WDR72: variants seen among roughly 807,000 people sequenced by gnomAD.
The protein encoded by WDR72 is WD repeat domain 72, also known as WD repeat-containing protein 72.
WDR72 carries 120 observed loss-of-function variants against 124.2 expected under a neutral mutation model. The observed-to-expected ratio is 0.97, with a 90% CI of 0.83 to 1.12. WDR72 has a LOEUF of 1.12. Among genes scored for constraint, WDR72 ranks in the 50% most tolerant of loss-of-function variants. The probability of loss-of-function intolerance (pLI) is 0.00; values close to 1 mark genes in which losing one functional copy is unlikely to be tolerated. For synonymous variants in WDR72, 452 were observed against 441.7 expected (o/e 1.02, Z -0.29); for missense variants, 1,387 against 1,278.8 (o/e 1.08, Z -1.29).
rs1300676881 is a variant in WDR72, at chr15:53,712,883, T to A, written c.600A>T (p.Gln200His). The A allele has an allele frequency of 6.2e-7, 1 of 1,613,572 alleles. No homozygotes were observed. Among genetic ancestry groups the A allele is most frequent in the East Asian group, 2.2e-5 (1 of 44,812 alleles). ...ACTTGGATTCTTTTTCATAGACATC[T>A]TGCTTTTCCTTCAAAAGGAAAGAAA... ...SSSINSIQEK[Q>H]DVYEKESKFL... Residue 200 changes from glutamine to histidine, a missense_variant, in exon 7 of 20, where the codon CAA becomes CAT. By Grantham distance (24) the Gln-to-His change is conservative (BLOSUM62 0). Coordinates refer to ENST00000360509, the MANE Select transcript of WDR72 (RefSeq NM_182758.4).
intron 19 of WDR72, among the ~76,000 whole-genome samples, chr15:53,521,324 C>G (rs1566939112): frequency 6.6e-6 from 1 of 152,006 alleles, no homozygotes; most frequent in African/African-American, 2.4e-5. Flanking sequence ...TCAATATGAG[C>G]AATTCTTGGA....
chr15:53,584,449 T>C (rs1181886333), intron 18 of WDR72, among the ~76,000 whole-genome samples: 1 of 151,942 alleles, frequency 6.6e-6, no homozygotes, highest in Non-Finnish European at 1.5e-5. Context: ...ATGTAGGACA[T>C]GGAGCACTAA....
At chr15:53,755,386 C>T (rs993679874) in intron 1 of WDR72, among the ~76,000 whole-genome samples, 2 of 152,144 alleles carry the variant, frequency 1.3e-5, no homozygotes, top group East Asian at 3.9e-4. Flanking sequence ...GATGCTATTA[C>T]AAATTATTTT....
At chr15:53,753,759 A>G (rs1227678657) in intron 1 of WDR72, among the ~76,000 whole-genome samples, 1 of 152,104 alleles carries the variant, frequency 6.6e-6, no homozygotes, top group Non-Finnish European at 1.5e-5. Context: ...AGTGTTGTAT[A>G]CTCAATTCAG....
At chr15:53,741,701 A>G (rs1485865862) in intron 1 of WDR72, among the ~76,000 whole-genome samples, 1 of 151,956 alleles carries the variant, frequency 6.6e-6, no homozygotes, top group East Asian at 1.9e-4. Context: ...CTCACTTATA[A>G]GAAAGCTGAT....
At chr15:53,621,430 G>T (rs1056232829) in intron 14 of WDR72, among the ~76,000 whole-genome samples, 10 of 124,374 alleles carry the variant, frequency 8.0e-5, no homozygotes, top group African/African-American at 1.5e-4. Flanking sequence ...AAGAAACTGT[G>T]ATATATATAT....
rs894947299 is a variant in WDR72 at position 53,597,078 on chromosome 15, C to T, written c.3148+1G>A. 1.2e-6 allele frequency: 2 copies of T among 1,613,576 alleles called. No individual in the cohort carries two copies. Among genetic ancestry groups the T allele is most frequent in the Non-Finnish European group, 1.7e-6 (2 of 1,179,720 alleles). On this transcript the variant is annotated splice_donor_variant, in intron 18 of 19. Transcript: ENST00000360509. LOFTEE classifies it high-confidence loss of function. ...AGTATACCAATAAATTTTGTACTTACTTTGCAGAGGCAAAGTGTTTCTAAC... is the reference window on the plus strand; with the variant it reads ...AGTATACCAATAAATTTTGTACTTATTTTGCAGAGGCAAAGTGTTTCTAAC...
rs3081214 is a variant in WDR72 at position 53,575,006 on chromosome 15, A to AACACAC, written c.3148+22067_3148+22072dup. Reference sequence around the variant, plus strand: ...AAAGAGGCTAATGAAAATCAAACACAACACACACACACACACACACACACA... The same window carrying AACACAC: ...AAAGAGGCTAATGAAAATCAAACACAACACACACACACACACACACACACACACACA... On this transcript the variant is annotated intron_variant, in intron 18 of 19. Coordinates refer to ENST00000360509, the MANE Select transcript of WDR72 (RefSeq NM_182758.4). Among the ~76,000 whole-genome samples, 1,125 of 147,286 alleles carry AACACAC rather than the reference A, an allele frequency of 7.6e-3. 11 individuals carry two copies. Among genetic ancestry groups the AACACAC allele is most frequent in the African/African-American group, 0.022 (885 of 39,980 alleles).
intron 14 of WDR72, among the ~76,000 whole-genome samples, chr15:53,640,916 GA>G (rs2014822558): frequency 1.6e-5 from 2 of 128,618 alleles, no homozygotes; most frequent in African/African-American, 5.0e-5. Context: ...ATATTACAAA[GA>G]TTTTTTTCAA....
Position 53,515,039 on chromosome 15 carries a change from GTGTATATA to G in WDR72, c.*2652_*2659del, listed in dbSNP as rs1566934876. ...TATATATATATACACACATATATAT[GTGTATATA>G]TATGTGTGTATATATATACACACAT... On this transcript the variant is annotated 3_prime_UTR_variant, in exon 20 of 20. Transcript: ENST00000360509. 5.6e-5 allele frequency: 8 copies of G among 142,184 alleles called. No individual in the cohort carries two copies. The highest frequency in any genetic ancestry group is 7.6e-5 in the Non-Finnish European group (5 of 65,368). The allele number at this position is 142,184 out of a possible 1,614,324, so 8.8% of individuals were successfully genotyped here.
chr15:53,731,823 C>T (rs2018211025), intron 2 of WDR72, among the ~76,000 whole-genome samples: 2 of 152,220 alleles, frequency 1.3e-5, no homozygotes, highest in East Asian at 1.9e-4. Flanking sequence ...ACACAACTTA[C>T]AGCATGCACT....
intron 18 of WDR72, among the ~76,000 whole-genome samples, chr15:53,529,145 C>CATATATATATATATATATATAT (rs34418320): frequency 2.7e-5 from 3 of 112,548 alleles, no homozygotes; most frequent in African/African-American, 1.2e-4. Flanking sequence ...CTGTTTAGCC[C>CATATATATATATATATATATAT]ATATATATAT....
chr15:53,540,050 T>G (rs1892990116), intron 18 of WDR72, among the ~76,000 whole-genome samples: 2 of 152,190 alleles, frequency 1.3e-5, no homozygotes, highest in African/African-American at 4.8e-5. Context: ...GAGTATTTCG[T>G]AATACTAAAG....
intron 1 of WDR72, among the ~76,000 whole-genome samples, chr15:53,741,126 T>C (rs2675339): frequency 0.32 from 47,943 of 152,092 alleles, 8,709 homozygotes; most frequent in African/African-American, 0.51. Flanking sequence ...TTGCTATAAT[T>C]GCAGGGCCCA....
At chr15:53,602,230 G>A (rs2013076149) in intron 17 of WDR72, among the ~76,000 whole-genome samples, 1 of 152,050 alleles carries the variant, frequency 6.6e-6, no homozygotes, top group Admixed American at 6.6e-5. Context: ...ACCTACTCCT[G>A]AATGACTTTT....
intron 13 of WDR72, among the ~76,000 whole-genome samples, chr15:53,675,786 G>C (rs2016152869): frequency 6.6e-6 from 1 of 152,186 alleles, no homozygotes; most frequent in African/African-American, 2.4e-5. Flanking sequence ...GGAAGAGGAA[G>C]AGTATTGGGA....
At chr15:53,570,277 T>G (rs1297411573) in intron 18 of WDR72, among the ~76,000 whole-genome samples, 2 of 139,462 alleles carry the variant, frequency 1.4e-5, no homozygotes, top group African/African-American at 2.6e-5. Flanking sequence ...TTTTTTTTTG[T>G]GGTGAGAACA....
intron 18 of WDR72, among the ~76,000 whole-genome samples, chr15:53,528,560 A>G (rs1421549404): frequency 6.6e-6 from 1 of 152,074 alleles, no homozygotes; most frequent in African/African-American, 2.4e-5. Flanking sequence ...CGCTTTAAAG[A>G]GGATCTATTT....
In WDR72 at chr15:53,613,692, G is replaced by A; in HGVS notation, c.2846C>T (p.Ser949Leu). The stretch of plus-strand genomic sequence containing the variant: ...ATTTCGTAAGCAACTGTAGAAGCTT[G>A]ACATATTTAAAATGTCATTCCCAGC... ...RGAGNDILNM[S>L]SFYSCLRNGK... is the part of the protein sequence containing the mutation. Residue 949 changes from serine to leucine, a missense_variant, in exon 16 of 20, where the codon TCA (serine) becomes TTA (leucine). Ser to Leu is a moderately radical substitution (Grantham distance 145). Transcript: ENST00000360509. The A allele has an allele frequency of 6.2e-7, 1 of 1,610,354 alleles. No individual in the cohort carries two copies. The highest frequency in any genetic ancestry group is 1.1e-5 in the South Asian group (1 of 91,006).
Sources: gnomAD v4.1 joint callset for allele counts (sites outside exome capture counted in the v4.1 genomes callset) on GRCh38, gnomAD v4.1.1 for gene constraint, MANE v1.5 for transcripts, NCBI Gene and HGNC (gene_info 2026-07-23, HGNC 2026-07-21) for gene names.